Variants in TANK observed in about 807,000 individuals in gnomAD.
The protein encoded by TANK is TRAF family member-associated NF-kappa-B activator.
TANK carries 15 observed loss-of-function variants against 43.6 expected under a neutral mutation model. The ratio of observed to expected loss-of-function variants is 0.34; its 90% CI spans 0.23 to 0.53. The LOEUF (loss-of-function observed/expected upper bound fraction) is 0.53. Ranked by LOEUF, TANK falls within the 20% of genes least tolerant of loss-of-function variation. TANK has a pLI of 0.94. For missense variants in TANK, 417 were observed against 498.6 expected (o/e 0.84, Z 1.56); for synonymous variants, 162 against 178.2 (o/e 0.91, Z 0.73).
chr2:161,227,477 A>T (rs1450515410), intron 6 of TANK, among the ~76,000 whole-genome samples: 2 of 152,192 alleles, frequency 1.3e-5, no homozygotes, highest in Non-Finnish European at 2.9e-5. Context: ...TTACTATAAT[A>T]GTTGTGTGGC....
chr2:161,194,350 A>G (rs1347656266), intron 2 of TANK, among the ~76,000 whole-genome samples: 3 of 152,106 alleles, frequency 2.0e-5, no homozygotes, highest in Non-Finnish European at 2.9e-5. Context: ...AGAAAAACTG[A>G]CAAAGTCTTA....
chr2:161,177,775 A>G (rs1236187047), intron 1 of TANK, among the ~76,000 whole-genome samples: 1 of 152,140 alleles, frequency 6.6e-6, no homozygotes, highest in East Asian at 1.9e-4. Flanking sequence ...CAAATCATAT[A>G]TTGGATAAGA....
At chr2:161,147,913 C>T (rs748912322) in intron 1 of TANK, among the ~76,000 whole-genome samples, 1 of 152,088 alleles carries the variant, frequency 6.6e-6, no homozygotes, top group Non-Finnish European at 1.5e-5. Flanking sequence ...TTTATCCATT[C>T]GTCTGTTGAT....
intron 7 of TANK, chr2:161,232,775 A>G (rs1687982999): frequency 6.4e-7 from 1 of 1,550,506 alleles, no homozygotes; most frequent in African/African-American, 1.4e-5. Flanking sequence ...TGCATTGTAC[A>G]TTTGCTTTCT....
chr2:161,235,563 G>A lies in TANK; in HGVS notation c.*45G>A. 1 of 1,494,946 alleles carries A rather than the reference G, an allele frequency of 6.7e-7. No individual in the cohort carries two copies. The highest frequency in any genetic ancestry group is 9.0e-7 in the Non-Finnish European group (1 of 1,111,538). The allele number at this position is 1,494,946 out of a possible 1,614,324, so 92.6% of individuals were successfully genotyped here. On this transcript the variant is annotated 3_prime_UTR_variant, in exon 8 of 8. Transcript: ENST00000392749. ...ATATCAAGTTCTATGTGATGATTTTGGGTTTTTAATACTATAAATACTTGA... is the reference window on the plus strand; with the variant it reads ...ATATCAAGTTCTATGTGATGATTTTAGGTTTTTAATACTATAAATACTTGA...
intron 2 of TANK, among the ~76,000 whole-genome samples, chr2:161,202,462 T>G (rs1341551513): frequency 6.6e-6 from 1 of 152,160 alleles, no homozygotes; most frequent in Non-Finnish European, 1.5e-5. Flanking sequence ...CTTTAATTTC[T>G]TAAGCTAATT....
At chr2:161,172,360 T>C (rs73971174) in intron 1 of TANK, among the ~76,000 whole-genome samples, 7 of 123,080 alleles carry the variant, frequency 5.7e-5, no homozygotes, top group East Asian at 2.7e-4. Flanking sequence ...TTCGGCTTTT[T>C]TTTTTTTTTT....
At chr2:161,221,169 C>T (rs1478392849) in intron 4 of TANK, among the ~76,000 whole-genome samples, 1 of 152,162 alleles carries the variant, frequency 6.6e-6, no homozygotes, top group African/African-American at 2.4e-5. Context: ...GTGTAAAACT[C>T]TTATTTCAGC....
chr2:161,224,870 C>A, intron 6 of TANK, 124 bp downstream of exon 6: 1 of 554,710 alleles, frequency 1.8e-6, no homozygotes, highest in Non-Finnish European at 3.2e-6. Flanking sequence ...CCCTCATCCA[C>A]GTATGTTTGA....
chr2:161,157,711 T>A (rs1289744724), upstream of TANK, among the ~76,000 whole-genome samples: 2 of 152,118 alleles, frequency 1.3e-5, no homozygotes, highest in East Asian at 3.8e-4. Context: ...TGAGACAGAG[T>A]CTCTCTCTGT....
intron 6 of TANK, among the ~76,000 whole-genome samples, chr2:161,226,025 C>T (rs1212381570): frequency 1.3e-5 from 2 of 152,046 alleles, no homozygotes; most frequent in Non-Finnish European, 2.9e-5. Flanking sequence ...AACTAGGTAC[C>T]TCTGAAGTAA....
chr2:161,164,031 C>T (rs1267060), intron 1 of TANK, among the ~76,000 whole-genome samples: 124,644 of 152,180 alleles, frequency 0.82, 51,216 homozygotes, highest in East Asian at 1. Context: ...GACACTGAAG[C>T]GTTACTAACA....
intron 1 of TANK, among the ~76,000 whole-genome samples, chr2:161,147,343 TGA>T (rs1683943466): frequency 6.6e-6 from 1 of 152,214 alleles, no homozygotes; most frequent in African/African-American, 2.4e-5. Context: ...GCTGTGGTGC[TGA>T]CTGCCCCTGC....
intron 1 of TANK, among the ~76,000 whole-genome samples, chr2:161,172,573 T>G (rs1684999732): frequency 6.6e-6 from 1 of 152,160 alleles, no homozygotes; most frequent in Admixed American, 6.6e-5. Context: ...AAAATTAGAT[T>G]CAGTATCTTC....
Position 161,138,347 on chromosome 2 carries a change from A to G in TANK, c.-50+1284A>G, listed in dbSNP as rs1413860136. Among the ~76,000 whole-genome samples, 3 of 152,178 alleles carry G rather than the reference A, an allele frequency of 2.0e-5. No individual in the cohort carries two copies. In the East Asian group the frequency reaches 5.8e-4, roughly 29 times the overall value. Reference sequence around the variant, plus strand: ...AGAACCAGGGCTTAAACATAAATTCATATCACCTCTTTATCCAGGGCTTTC... The same window carrying G: ...AGAACCAGGGCTTAAACATAAATTCGTATCACCTCTTTATCCAGGGCTTTC... On this transcript the variant is annotated intron_variant, in intron 1 of 7. Transcript: ENST00000259075.
upstream of TANK, among the ~76,000 whole-genome samples, chr2:161,159,523 A>G (rs1296591484): frequency 2.6e-5 from 4 of 152,236 alleles, no homozygotes; most frequent in African/African-American, 9.6e-5. Flanking sequence ...ACATTGTTTC[A>G]AATATATTTA....
At chr2:161,195,257 T>A (rs1686094303) in intron 2 of TANK, among the ~76,000 whole-genome samples, 1 of 152,200 alleles carries the variant, frequency 6.6e-6, no homozygotes, top group East Asian at 1.9e-4. Flanking sequence ...ACATGCTTGC[T>A]TCCTGCTTCA....
intron 4 of TANK, among the ~76,000 whole-genome samples, chr2:161,215,952 G>A (rs1687099338): frequency 6.6e-6 from 1 of 152,040 alleles, no homozygotes; most frequent in African/African-American, 2.4e-5. Flanking sequence ...CTATTGTATA[G>A]CAGTTTCCAC....
At chr2:161,142,754 G>A (rs915875307) in intron 1 of TANK, among the ~76,000 whole-genome samples, 5 of 152,120 alleles carry the variant, frequency 3.3e-5, no homozygotes, top group Non-Finnish European at 5.9e-5. Context: ...GTCAGGTAGC[G>A]TGATGCCTCC....
Sources: gnomAD v4.1 joint callset for allele counts (sites outside exome capture counted in the v4.1 genomes callset) on GRCh38, gnomAD v4.1.1 for gene constraint, MANE v1.5 for transcripts, NCBI Gene and HGNC (gene_info 2026-07-23, HGNC 2026-07-21) for gene names.